CSNK1G3: variants seen among roughly 807,000 people sequenced by gnomAD.
CSNK1G3 encodes casein kinase I isoform gamma-3.
Under a neutral mutation model 64.3 loss-of-function variants are expected in CSNK1G3, and 23 were observed. That is an observed-to-expected ratio of 0.36 (90% CI 0.26 to 0.51). The LOEUF is 0.51. Ranked by LOEUF, CSNK1G3 falls within the 20% of genes least tolerant of loss-of-function variation. CSNK1G3 has a pLI of 0.96. For synonymous variants in CSNK1G3, 158 were observed against 162.2 expected, an observed-to-expected ratio of 0.97 and a Z score of 0.20; for missense variants, 357 against 510.5, an observed-to-expected ratio of 0.70 and a Z score of 2.90.
chr5:123,575,703 T>A, intron 5 of CSNK1G3, 26 bp from the exon 6 acceptor site: 1 of 1,498,066 alleles, frequency 6.7e-7, no homozygotes, highest in Non-Finnish European at 9.3e-7. Context: ...AAAATAAAAC[T>A]TCTCTTCTTT....
In CSNK1G3 at chr5:123,573,793, T is replaced by A. The variant is rs993628133; in HGVS notation, c.438+252T>A. Among the ~76,000 whole-genome samples, 3 of 152,072 alleles carry A rather than the reference T, an allele frequency of 2.0e-5. No homozygotes were observed. The South Asian group carries it at 6.2e-4, about 31-fold the overall frequency. ...CTCAGTTTGCAAATTAAGTTGTTGC[T>A]AGCCATTTCTTCATATAAAAGATGA... On this transcript the variant is annotated intron_variant, in intron 5 of 12. Coordinates refer to ENST00000345990, the Ensembl canonical transcript of CSNK1G3.
chr5:123,531,420 G>T (rs910985628), intron 1 of CSNK1G3, among the ~76,000 whole-genome samples: 1 of 151,962 alleles, frequency 6.6e-6, no homozygotes, highest in Non-Finnish European at 1.5e-5. Flanking sequence ...CTGATTTTCT[G>T]TTCTGTGTTT....
intron 4 of CSNK1G3, among the ~76,000 whole-genome samples, chr5:123,558,950 T>C (rs555458403): frequency 3.9e-5 from 6 of 152,184 alleles, no homozygotes; most frequent in African/African-American, 9.6e-5. Flanking sequence ...CTCTATGATA[T>C]GCCTTATGAG....
intron 4 of CSNK1G3, among the ~76,000 whole-genome samples, chr5:123,565,851 A>G (rs960851996): frequency 3.3e-5 from 5 of 152,140 alleles, no homozygotes; most frequent in Non-Finnish European, 7.4e-5. Flanking sequence ...AAGAACTCAA[A>G]ATCATGAGAA....
intron 1 of CSNK1G3, among the ~76,000 whole-genome samples, chr5:123,527,059 A>C (rs1779223172): frequency 6.6e-6 from 1 of 152,160 alleles, no homozygotes; most frequent in African/African-American, 2.4e-5. Flanking sequence ...CTAAAATTCA[A>C]GTTGGCTGTA....
chr5:123,579,581 G>T (rs1338014012), intron 6 of CSNK1G3, among the ~76,000 whole-genome samples: 3 of 151,892 alleles, frequency 2.0e-5, no homozygotes, highest in Admixed American at 2.0e-4. Flanking sequence ...TTTATTGTGA[G>T]ACATGAAGTC....
chr5:123,540,404 C>T (rs1388111352), intron 1 of CSNK1G3, among the ~76,000 whole-genome samples: 1 of 151,986 alleles, frequency 6.6e-6, no homozygotes, highest in African/African-American at 2.4e-5. Flanking sequence ...CTGATTTGCT[C>T]TTTTCTCTAG....
At chr5:123,525,494 A>C (rs887953246) in intron 1 of CSNK1G3, among the ~76,000 whole-genome samples, 5 of 151,776 alleles carry the variant, frequency 3.3e-5, no homozygotes, top group Admixed American at 2.6e-4. Context: ...TATTTTCACC[A>C]TGTTGACCAG....
At chr5:123,578,532 G>A (rs1415438357) in intron 6 of CSNK1G3, among the ~76,000 whole-genome samples, 1 of 151,786 alleles carries the variant, frequency 6.6e-6, no homozygotes, top group Non-Finnish European at 1.5e-5. Flanking sequence ...TATGCATTAT[G>A]AGTAATTTCT....
At chr5:123,600,319 G>A (rs1467947778) in intron 10 of CSNK1G3, among the ~76,000 whole-genome samples, 1 of 152,024 alleles carries the variant, frequency 6.6e-6, no homozygotes, top group Non-Finnish European at 1.5e-5. Flanking sequence ...TGCTTACAAG[G>A]TATCAAATAG....
At chr5:123,514,254 A>G (rs1214218318) in intron 1 of CSNK1G3, among the ~76,000 whole-genome samples, 2 of 152,214 alleles carry the variant, frequency 1.3e-5, no homozygotes, top group African/African-American at 4.8e-5. Context: ...ATGATTTATT[A>G]TAGTCATCCA....
At chr5:123,597,616 T>C (rs1195523117) in intron 10 of CSNK1G3, among the ~76,000 whole-genome samples, 1 of 152,116 alleles carries the variant, frequency 6.6e-6, no homozygotes, top group Non-Finnish European at 1.5e-5. Context: ...CAGGTATTTA[T>C]TTCACATGTA....
At chr5:123,520,382 G>A (rs576242598) in intron 1 of CSNK1G3, among the ~76,000 whole-genome samples, 1 of 151,958 alleles carries the variant, frequency 6.6e-6, no homozygotes, top group South Asian at 2.1e-4. Flanking sequence ...TGAGATTTAG[G>A]ATGATTTTTA....
At chr5:123,580,077 A>G (rs909514880) in intron 6 of CSNK1G3, among the ~76,000 whole-genome samples, 1 of 152,072 alleles carries the variant, frequency 6.6e-6, no homozygotes, top group Admixed American at 6.6e-5. Context: ...TCAGGAAGAG[A>G]TAAAGAAGGA....
chr5:123,524,867 G>A (rs1017856535), intron 1 of CSNK1G3, among the ~76,000 whole-genome samples: 3 of 152,124 alleles, frequency 2.0e-5, no homozygotes, highest in Non-Finnish European at 4.4e-5. Flanking sequence ...AAACACTGAA[G>A]GATAATGGGT....
rs144201587 is a variant in CSNK1G3 at position 123,546,591 on chromosome 5, T to C, written c.178+750T>C. Among the ~76,000 whole-genome samples the C allele has an allele frequency of 8.0e-4, 122 of 152,188 alleles. 3 individuals are homozygous for C. The East Asian group carries it at 0.019, about 24-fold the overall frequency. ...CAAAAAACTAAGAAGGAGGGTGTTATGGTTATAATGGTTGTATAGAAGTCA... is the reference window on the plus strand; with the variant it reads ...CAAAAAACTAAGAAGGAGGGTGTTACGGTTATAATGGTTGTATAGAAGTCA... On this transcript the variant is annotated intron_variant, in intron 2 of 12. Transcript: ENST00000345990.
intron 1 of CSNK1G3, among the ~76,000 whole-genome samples, chr5:123,524,878 G>C (rs568174719): frequency 1.3e-5 from 2 of 151,650 alleles, no homozygotes; most frequent in Non-Finnish European, 2.9e-5. Flanking sequence ...GATAATGGGT[G>C]GGGGGGAGCA....
At chr5:123,568,486 TA>T (rs1787403949) in intron 4 of CSNK1G3, among the ~76,000 whole-genome samples, 1 of 152,208 alleles carries the variant, frequency 6.6e-6, no homozygotes, top group African/African-American at 2.4e-5. Flanking sequence ...GATGTTTTTT[TA>T]AAAAATGTTT....
intron 10 of CSNK1G3, among the ~76,000 whole-genome samples, chr5:123,596,498 G>A (rs925537314): frequency 6.6e-6 from 1 of 152,014 alleles, no homozygotes; most frequent in African/African-American, 2.4e-5. Flanking sequence ...TACCATTTCT[G>A]TACCATTACC....
Sources: gnomAD v4.1 joint callset for allele counts (sites outside exome capture counted in the v4.1 genomes callset) on GRCh38, gnomAD v4.1.1 for gene constraint, MANE v1.5 for transcripts, NCBI Gene and HGNC (gene_info 2026-07-23, HGNC 2026-07-21) for gene names.